MGAT4C: variants seen among roughly 807,000 people sequenced by gnomAD.
The protein encoded by MGAT4C is alpha-1,3-mannosyl-glycoprotein 4-beta-N-acetylglucosaminyltransferase C.
MGAT4C carries 19 observed loss-of-function variants against 40.1 expected under a neutral mutation model. The ratio of observed to expected loss-of-function variants is 0.47; its 90% CI spans 0.33 to 0.70. The LOEUF is 0.70. Ranked by LOEUF, MGAT4C falls within the 30% of genes least tolerant of loss-of-function variation. MGAT4C has a pLI of 0.02. For missense variants in MGAT4C, 491 were observed against 563.2 expected, an observed-to-expected ratio of 0.87 and a Z score of 1.30; for synonymous variants, 181 against 187.1, an observed-to-expected ratio of 0.97 and a Z score of 0.27.
intron 2 of MGAT4C, among the ~76,000 whole-genome samples, chr12:86,526,488 C>G (rs1465171395): frequency 6.6e-6 from 1 of 152,108 alleles, no homozygotes; most frequent in East Asian, 1.9e-4. Context: ...GGCTGCCCTG[C>G]TGGAGCTCTC....
At chr12:86,327,595 A>G (rs1954556584) in intron 4 of MGAT4C, among the ~76,000 whole-genome samples, 1 of 152,136 alleles carries the variant, frequency 6.6e-6, no homozygotes, top group African/African-American at 2.4e-5. Context: ...TTTAAGTGGA[A>G]AAAATTGAAG....
At chr12:85,989,257 A>T (rs1232430499) in intron 3 of MGAT4C, 143 bp downstream of exon 3, 1 of 604,774 alleles carries the variant, frequency 1.7e-6, no homozygotes, top group Non-Finnish European at 2.6e-6. Context: ...TTAATACAAA[A>T]AATAGACAAT....
chr12:86,395,307 A>C (rs1956240249), intron 3 of MGAT4C, among the ~76,000 whole-genome samples: 1 of 152,188 alleles, frequency 6.6e-6, no homozygotes, highest in Non-Finnish European at 1.5e-5. Context: ...GCTTATTTTG[A>C]AAGAATATTT....
intron 2 of MGAT4C, among the ~76,000 whole-genome samples, chr12:86,628,945 A>G (rs1324488645): frequency 1.3e-5 from 2 of 152,162 alleles, no homozygotes; most frequent in Admixed American, 6.5e-5. Flanking sequence ...AAAGACACAG[A>G]CTGGCAAACT....
chr12:86,517,251 T>C (rs1184925335), intron 2 of MGAT4C, among the ~76,000 whole-genome samples: 1 of 152,200 alleles, frequency 6.6e-6, no homozygotes, highest in South Asian at 2.1e-4. Flanking sequence ...GACCATTGAA[T>C]TGTACATTTT....
chr12:85,975,530 G>A lies in MGAT4C; in HGVS notation c.*3759C>T, dbSNP rs911846091. ...TTCCTCATATTGGGAGGCTGGTAAT[G>A]CAGAACTGGGTGTCAAAATCAAGTC... On this transcript the variant is annotated 3_prime_UTR_variant, in exon 5 of 5. Transcript: ENST00000611864. The A allele has an allele frequency of 1.3e-5, 2 of 150,844 alleles. No individual in the cohort carries two copies. Among genetic ancestry groups the A allele is most frequent in the African/African-American group, 4.8e-5 (2 of 41,320 alleles). The allele number at this position is 150,844 out of a possible 1,614,324, so 9.3% of individuals were successfully genotyped here.
chr12:85,979,790 C>G lies in MGAT4C; in HGVS notation c.936G>C (p.Met312Ile). The change falls in exon 5 of 5, where the codon ATG becomes ATC. Residue 312 changes from methionine (M) to isoleucine (I), a missense_variant. Transcript: ENST00000611864. Reference sequence around the variant, plus strand: ...TCCCTTTGTATGATGAATAATAGCCCATGTGCTGAAAGAGAGATGGTTTAA... The same window carrying G: ...TCCCTTTGTATGATGAATAATAGCCGATGTGCTGAAAGAGAGATGGTTTAA... ...IRFKPSLFQH[M>I]GYYSSYKGTE... 1 of 1,613,672 alleles carries G rather than the reference C, an allele frequency of 6.2e-7. No homozygotes were observed. Among genetic ancestry groups the G allele is most frequent in the East Asian group, 2.2e-5 (1 of 44,868 alleles).
At chr12:86,226,124 A>G (rs1379591414) in intron 1 of MGAT4C, among the ~76,000 whole-genome samples, 1 of 152,006 alleles carries the variant, frequency 6.6e-6, no homozygotes, top group East Asian at 1.9e-4. Context: ...ACATGAAAAA[A>G]AAAAACATGT....
At chr12:86,072,754 A>T (rs1868820944) in intron 1 of MGAT4C, among the ~76,000 whole-genome samples, 1 of 152,148 alleles carries the variant, frequency 6.6e-6, no homozygotes, top group Non-Finnish European at 1.5e-5. Context: ...AACAGAATAT[A>T]ATTGAAAAGT....
At chr12:86,696,182 A>T (rs1391175787) in intron 2 of MGAT4C, among the ~76,000 whole-genome samples, 1 of 152,070 alleles carries the variant, frequency 6.6e-6, no homozygotes, top group African/African-American at 2.4e-5. Context: ...ACTGCATTCC[A>T]GCCTTCCAGC....
intron 1 of MGAT4C, among the ~76,000 whole-genome samples, chr12:86,802,208 C>T (rs534487396): frequency 6.6e-6 from 1 of 151,830 alleles, no homozygotes; most frequent in Non-Finnish European, 1.5e-5. Context: ...CTTAAACTTG[C>T]CAGCTTTTTG....
intron 2 of MGAT4C, among the ~76,000 whole-genome samples, chr12:86,725,540 A>C (rs2136650076): frequency 6.6e-6 from 1 of 152,102 alleles, no homozygotes; most frequent in Middle Eastern, 3.4e-3. Flanking sequence ...GGCTCACTGC[A>C]ACCTCCGCCT....
intron 2 of MGAT4C, among the ~76,000 whole-genome samples, chr12:86,476,640 C>A (rs1957839255): frequency 6.6e-6 from 1 of 151,882 alleles, no homozygotes; most frequent in Non-Finnish European, 1.5e-5. Flanking sequence ...ATGTTAATTG[C>A]AGAGCTATTC....
At chr12:86,330,900 C>T (rs2405931) in intron 4 of MGAT4C, among the ~76,000 whole-genome samples, 14,532 of 152,126 alleles carry the variant, frequency 0.096, 1,687 homozygotes, top group East Asian at 0.29. Flanking sequence ...CTTCAAACTA[C>T]TTCAGCAGAG....
chr12:86,570,576 T>C (rs1185686693), intron 2 of MGAT4C, among the ~76,000 whole-genome samples: 1 of 152,050 alleles, frequency 6.6e-6, no homozygotes, highest in Non-Finnish European at 1.5e-5. Context: ...TGAATAACTT[T>C]AATCAAGGAG....
intron 3 of MGAT4C, among the ~76,000 whole-genome samples, chr12:86,379,454 T>C (rs930875408): frequency 2.0e-5 from 3 of 152,146 alleles, no homozygotes; most frequent in African/African-American, 7.2e-5. Context: ...GAAAATAGCA[T>C]CATGCAGTAA....
chr12:85,971,353 C>T lies in MGAT4C; in HGVS notation c.*7936G>A, dbSNP rs1213013815. The T allele has an allele frequency of 1.3e-5, 2 of 151,008 alleles. No homozygotes were observed. The highest frequency in any genetic ancestry group is 1.3e-4 in the Admixed American group (2 of 15,092). The allele number at this position is 151,008 out of a possible 1,614,324, so 9.4% of individuals were successfully genotyped here. A position where few individuals can be genotyped will look rare whatever the true frequency, so the allele number is the denominator to read the frequency against. ...GACAACTGAAAAATTTGCTAGGAAA[C>T]AAATATTACAAAATATGTTGTTAAC... On this transcript the variant is annotated 3_prime_UTR_variant, in exon 5 of 5. Coordinates refer to ENST00000611864, the MANE Select transcript of MGAT4C (RefSeq NM_001351288.2).
At chr12:86,072,568 C>T (rs940620441) in intron 1 of MGAT4C, among the ~76,000 whole-genome samples, 2 of 151,858 alleles carry the variant, frequency 1.3e-5, no homozygotes, top group Admixed American at 6.6e-5. Flanking sequence ...TTTTTGTTCA[C>T]CTCATATATT....
chr12:86,455,099 T>C (rs1020393301), intron 2 of MGAT4C, among the ~76,000 whole-genome samples: 5 of 152,148 alleles, frequency 3.3e-5, no homozygotes, highest in Non-Finnish European at 7.4e-5. Flanking sequence ...TAGGATGCCC[T>C]TGTATCATTT....
Sources: allele counts gnomAD v4.1 joint callset (sites outside exome capture counted in the v4.1 genomes callset), GRCh38; gene constraint gnomAD v4.1.1; transcripts MANE v1.5; gene names NCBI Gene and HGNC (gene_info 2026-07-23, HGNC 2026-07-21).